The following SKOR2 variants were observed in gnomAD, a reference collection of about 807,000 sequenced individuals.
SKOR2 encodes LBX1 corepressor 1-like protein.
Under a neutral mutation model 69.1 loss-of-function variants are expected in SKOR2, and 47 were observed. The observed-to-expected ratio is 0.68, with a 90% CI of 0.54 to 0.87. The LOEUF is 0.87. SKOR2 is among the 40% of genes least tolerant of loss of function. SKOR2 has a pLI of 0.00. For missense variants in SKOR2, 1,404 were observed against 1,472.2 expected (o/e 0.95, Z 0.76); for synonymous variants, 717 against 672.6 (o/e 1.07, Z -1.02).
chr18:47,247,643 GC>G lies in SKOR2; in HGVS notation c.1540del (p.Ala514LeufsTer22). 1 of 1,353,794 alleles carries G rather than the reference GC, an allele frequency of 7.4e-7. No individual in the cohort carries two copies. The highest frequency in any genetic ancestry group is 9.5e-7 in the Non-Finnish European group (1 of 1,056,074). 83.9% of individuals were successfully genotyped at this position (1,353,794 alleles called of 1,614,324 possible). A position where few individuals can be genotyped will look rare whatever the true frequency, so the allele number is the denominator to read the frequency against. ...GCTCCCAGCAGCACCGCCTGGCTCA[GC>G]CAGGTCCAGGAAGGCCTGGCGCAGC... ...ALLRQAFLDL[A>X]EPGGAAGSAE... On this transcript the variant is annotated frameshift_variant, in exon 2 of 9. Transcript: ENST00000425639. LOFTEE classifies it high-confidence loss of function. The surrounding 1 kb of genome is among the most constrained non-coding windows in gnomAD (Gnocchi z 6.6).
chr18:47,237,950 T>TTATAAGCATGAGCCAC (rs2064231882), intron 4 of SKOR2, among the ~76,000 whole-genome samples: 1 of 152,198 alleles, frequency 6.6e-6, no homozygotes, highest in Non-Finnish European at 1.5e-5. Context: ...AGTACTGGGA[T>TTATAAGCATGAGCCAC]TATAAGCATG....
chr18:47,206,816 A>G lies in SKOR2; in HGVS notation c.*80T>C, dbSNP rs1188418311. 2 of 152,182 alleles carry G rather than the reference A, an allele frequency of 1.3e-5. No homozygotes were observed. The highest frequency in any genetic ancestry group is 2.4e-5 in the African/African-American group (1 of 41,434). The allele number at this position is 152,182 out of a possible 1,614,324, so 9.4% of individuals were successfully genotyped here. ...TAATTCCCAAGCCCTTTCGATCTGC[A>G]GTCTTTAACACGGGTCAGAAGTGCT... On this transcript the variant is annotated 3_prime_UTR_variant, in exon 9 of 9. Coordinates refer to ENST00000425639, the MANE Select transcript of SKOR2 (RefSeq NM_001278063.4).
At chr18:47,212,847 C>T (rs2064131897) in intron 7 of SKOR2, among the ~76,000 whole-genome samples, 1 of 151,982 alleles carries the variant, frequency 6.6e-6, no homozygotes, top group Non-Finnish European at 1.5e-5. Context: ...GTGGCACACA[C>T]CTGCTACTTG....
chr18:47,221,903 C>G (rs892891982), intron 6 of SKOR2, among the ~76,000 whole-genome samples: 3 of 152,316 alleles, frequency 2.0e-5, no homozygotes, highest in Admixed American at 1.3e-4. Flanking sequence ...AATTATCCAC[C>G]AGCAGGTTGA....
intron 6 of SKOR2, among the ~76,000 whole-genome samples, chr18:47,228,203 G>A (rs1471181300): frequency 1.3e-5 from 2 of 152,160 alleles, no homozygotes; most frequent in Non-Finnish European, 1.5e-5. Context: ...GCCTCTTTGT[G>A]GTGTATCTAA....
At position 47,247,629 on chromosome 18, in the gene SKOR2, C is replaced by A; in HGVS notation, c.1555G>T (p.Ala519Ser). Residue 519 changes from alanine (A) to serine (S), a missense_variant, in exon 2 of 9, where the codon GCT becomes TCT. Coordinates refer to ENST00000425639, the MANE Select transcript of SKOR2 (RefSeq NM_001278063.4). This position sits in a 1 kb window ranked among gnomAD's most constrained non-coding sequence, Gnocchi z 6.6. The part of the protein sequence containing the change: ...AFLDLAEPGG[A>S]AGSAEAAPPP... ...GGCGCGGCCTCGGCGCTCCCAGCAG[C>A]ACCGCCTGGCTCAGCCAGGTCCAGG... 7.5e-7 allele frequency: 1 copy of A among 1,337,342 alleles called. No homozygotes were observed. Among genetic ancestry groups the A allele is most frequent in the Non-Finnish European group, 9.6e-7 (1 of 1,046,800 alleles). 82.8% of individuals were successfully genotyped at this position (1,337,342 alleles called of 1,614,324 possible).
chr18:47,248,827 G>T lies in SKOR2; in HGVS notation c.357C>A (p.Thr119=). The T allele has an allele frequency of 6.4e-7, 1 of 1,560,058 alleles. No individual in the cohort carries two copies. Among genetic ancestry groups the T allele is most frequent in the Non-Finnish European group, 8.6e-7 (1 of 1,160,488 alleles). The change falls in exon 2 of 9, where the codon ACC becomes ACA. Residue 119 remains threonine (T), a synonymous_variant. Coordinates refer to ENST00000425639, the MANE Select transcript of SKOR2 (RefSeq NM_001278063.4). This position sits in a 1 kb window ranked among gnomAD's most constrained non-coding sequence, Gnocchi z 6.4. ...PISSRRCGMI[T]KREAERLCKS... ...TGCACAGACGCTCGGCCTCGCGTTT[G>T]GTGATCATGCCGCAGCGGCGCGATG...
chr18:47,237,672 TCCTCCCCAC>T (rs1415138382), intron 4 of SKOR2, among the ~76,000 whole-genome samples: 44 of 151,372 alleles, frequency 2.9e-4, no homozygotes, highest in Admixed American at 5.3e-4. Context: ...ACATTCTTTC[TCCTCCCCAC>T]CATTTTCTTT....
chr18:47,221,528 A>G (rs1434819905), intron 6 of SKOR2, among the ~76,000 whole-genome samples: 2 of 152,206 alleles, frequency 1.3e-5, no homozygotes, highest in Non-Finnish European at 2.9e-5. Flanking sequence ...ACTATGCATT[A>G]TACTTCCAGC....
intron 1 of SKOR2, among the ~76,000 whole-genome samples, chr18:47,249,743 T>C (rs113903012): frequency 6.6e-6 from 1 of 152,232 alleles, no homozygotes; most frequent in East Asian, 1.9e-4. Context: ...TATGGTTTCC[T>C]TGGGGAAATT....
In SKOR2 at chr18:47,248,137, C is replaced by G. The variant is rs1271223814; in HGVS notation, c.1047G>C (p.Gly349=). The change falls in exon 2 of 9, where the codon GGG becomes GGC. Residue 349 remains glycine, a synonymous_variant. Coordinates refer to ENST00000425639, the MANE Select transcript of SKOR2 (RefSeq NM_001278063.4). The surrounding 1 kb of genome is among the most constrained non-coding windows in gnomAD (Gnocchi z 6.4). Reference sequence around the variant, plus strand: ...CCACACAGCCACCCCCAGCGCCGCCCCCACCAGTCCCCGCGCCGCCCGAAG... The same window carrying G: ...CCACACAGCCACCCCCAGCGCCGCCGCCACCAGTCCCCGCGCCGCCCGAAG... ...AAASGGAGTG[G]GGAGGGCVAG... The G allele has an allele frequency of 7.9e-7, 1 of 1,273,452 alleles. No homozygotes were observed. The highest frequency in any genetic ancestry group is 1.6e-5 in the African/African-American group (1 of 64,090). 78.9% of individuals were successfully genotyped at this position (1,273,452 alleles called of 1,614,324 possible).
At chr18:47,236,597 C>G (rs1011681629) in intron 4 of SKOR2, among the ~76,000 whole-genome samples, 2 of 152,130 alleles carry the variant, frequency 1.3e-5, no homozygotes, top group Admixed American at 1.3e-4. Flanking sequence ...AAAAGAAACC[C>G]CAGGGAGCTC....
intron 6 of SKOR2, among the ~76,000 whole-genome samples, chr18:47,226,817 C>T (rs946096624): frequency 6.6e-6 from 1 of 152,212 alleles, no homozygotes; most frequent in Admixed American, 6.5e-5. Flanking sequence ...ATCCTCTCCA[C>T]AACCCCAAGA....
intron 4 of SKOR2, among the ~76,000 whole-genome samples, chr18:47,238,327 T>C (rs1009639079): frequency 1.1e-4 from 16 of 146,064 alleles, no homozygotes; most frequent in East Asian, 3.9e-4. Context: ...TTTCTTTTTT[T>C]TTTTTTTTTT....
At chr18:47,209,884 G>A (rs1245849863) in intron 8 of SKOR2, among the ~76,000 whole-genome samples, 9 of 152,056 alleles carry the variant, frequency 5.9e-5, no homozygotes, top group African/African-American at 1.7e-4. Flanking sequence ...TTGAACCCAG[G>A]AGCTTGAGAC....
chr18:47,232,727 T>C (rs2064204544), intron 4 of SKOR2, among the ~76,000 whole-genome samples: 1 of 152,092 alleles, frequency 6.6e-6, no homozygotes, highest in African/African-American at 2.4e-5. Flanking sequence ...CAATAAAGGG[T>C]CTGCAGTTGT....
In SKOR2 at chr18:47,247,178, GGGTGGT is replaced by G. The variant is rs568565349; in HGVS notation, c.2000_2005del (p.His667_His668del). The G allele has an allele frequency of 5.7e-5, 73 of 1,278,636 alleles. No individual in the cohort carries two copies. Among genetic ancestry groups the G allele is most frequent in the South Asian group, 2.3e-4 (10 of 44,072 alleles). 79.2% of individuals were successfully genotyped at this position (1,278,636 alleles called of 1,614,324 possible). On this transcript the variant is annotated inframe_deletion, in exon 2 of 9. Transcript: ENST00000425639. This position sits in a 1 kb window ranked among gnomAD's most constrained non-coding sequence, Gnocchi z 6.6. ...CAGAAGCGGCGACGGCGGCTGCGGG[GGGTGGT>G]GGTGGTGGTGGTGGTGGTGAGGGTG... is the stretch of plus-strand genomic sequence containing the variant.
chr18:47,226,797 C>A (rs1057168547), intron 6 of SKOR2, among the ~76,000 whole-genome samples: 1 of 152,192 alleles, frequency 6.6e-6, no homozygotes, highest in Admixed American at 6.5e-5. Context: ...TCATGCCTTT[C>A]ACTCATTTAA....
At chr18:47,231,203 G>A (rs2064196949) in intron 4 of SKOR2, 2 of 1,530,784 alleles carry the variant, frequency 1.3e-6, no homozygotes, top group Admixed American at 4.0e-5. Context: ...GGAGGGCAGA[G>A]CCTGCCTGGC....
Sources: gnomAD v4.1 joint callset for allele counts (sites outside exome capture counted in the v4.1 genomes callset) on GRCh38, gnomAD v4.1.1 for gene constraint, Gnocchi (gnomAD v3.1) non-coding constraint, MANE v1.5 for transcripts, NCBI Gene and HGNC (gene_info 2026-07-23, HGNC 2026-07-21) for gene names.